Variants in FMN2 observed in about 807,000 individuals in gnomAD.
FMN2 encodes formin 2.
FMN2 carries 51 observed loss-of-function variants against 142.3 expected under a neutral mutation model. That is an observed-to-expected ratio of 0.36 (90% confidence interval 0.29 to 0.45). The LOEUF is 0.45. Ranked by LOEUF, FMN2 falls within the 20% of genes least tolerant of loss-of-function variation. FMN2 has a pLI of 1.00. For synonymous variants in FMN2, 882 were observed against 869.8 expected (o/e 1.01, Z -0.25); for missense variants, 1,936 against 2,122.8 (o/e 0.91, Z 1.73).
chr1:240,439,496 T>C (rs909040430), intron 16 of FMN2, among the ~76,000 whole-genome samples: 1 of 152,170 alleles, frequency 6.6e-6, no homozygotes, highest in African/African-American at 2.4e-5. Flanking sequence ...AGACTTGCGC[T>C]TACTCCTATA....
intron 5 of FMN2, 41 bp from the exon 6 acceptor site, chr1:240,211,050 C>G (rs756958498): frequency 6.4e-7 from 1 of 1,572,060 alleles, no homozygotes. Context: ...GATGTAAGTT[C>G]AGTTTGATGG....
chr1:240,231,025 T>G (rs1435202526), intron 6 of FMN2, among the ~76,000 whole-genome samples: 1 of 131,870 alleles, frequency 7.6e-6, no homozygotes, highest in East Asian at 2.2e-4. Context: ...TTGTTTTGTT[T>G]TGAAAGCTAG....
At chr1:240,390,194 C>G (rs1435626092) in intron 14 of FMN2, among the ~76,000 whole-genome samples, 1 of 152,158 alleles carries the variant, frequency 6.6e-6, no homozygotes, top group African/African-American at 2.4e-5. Context: ...TTTATCAAAG[C>G]TGATTACAGT....
intron 1 of FMN2, among the ~76,000 whole-genome samples, chr1:240,113,437 G>A (rs997667109): frequency 6.6e-6 from 1 of 151,666 alleles, no homozygotes; most frequent in East Asian, 1.9e-4. Flanking sequence ...AGTGGCACAC[G>A]CCTATGGTCC....
chr1:240,155,378 G>A (rs190418278), intron 2 of FMN2, among the ~76,000 whole-genome samples: 105 of 152,158 alleles, frequency 6.9e-4, no homozygotes, highest in African/African-American at 2.0e-3. Flanking sequence ...TCCTAGCCTC[G>A]AGTGATTCTC....
chr1:240,211,060 G>T, intron 5 of FMN2, 31 bp from the exon 6 acceptor site: 1 of 1,576,946 alleles, frequency 6.3e-7, no homozygotes, highest in East Asian at 2.3e-5. Flanking sequence ...CAGTTTGATG[G>T]CTGTTTTATT....
chr1:240,356,757 C>T (rs929230199), intron 14 of FMN2, among the ~76,000 whole-genome samples: 5 of 152,074 alleles, frequency 3.3e-5, no homozygotes, highest in Non-Finnish European at 5.9e-5. Context: ...AAGATTGGCT[C>T]CATACTTTAT....
chr1:240,328,794 T>C (rs1489728984), intron 8 of FMN2, among the ~76,000 whole-genome samples: 1 of 152,102 alleles, frequency 6.6e-6, no homozygotes, highest in Non-Finnish European at 1.5e-5. Flanking sequence ...TTCACCATGT[T>C]GGCCAAGCCA....
chr1:240,143,302 G>T, intron 2 of FMN2: 1 of 1,508,410 alleles, frequency 6.6e-7, no homozygotes, highest in Non-Finnish European at 9.2e-7. Flanking sequence ...AGAGATGAGG[G>T]CCAGTGCTAA....
intron 13 of FMN2, among the ~76,000 whole-genome samples, chr1:240,339,962 T>TG (rs1393654481): frequency 3.9e-5 from 6 of 152,244 alleles, no homozygotes; most frequent in Admixed American, 2.6e-4. Flanking sequence ...GTTAATTTAC[T>TG]GGGTAATCCT....
At chr1:240,105,130 ACCGAGTCTCACTCTGTCGC>A (rs1178793818) in intron 1 of FMN2, among the ~76,000 whole-genome samples, 1 of 100,040 alleles carries the variant, frequency 1.0e-5, no homozygotes, top group Non-Finnish European at 1.8e-5. Context: ...TTTTTTTGAG[ACCGAGTCTCACTCTGTCGC>A]CCAGGCTGGA....
chr1:240,359,274 T>G (rs1406824477), intron 14 of FMN2, among the ~76,000 whole-genome samples: 1 of 152,192 alleles, frequency 6.6e-6, no homozygotes, highest in Non-Finnish European at 1.5e-5. Flanking sequence ...AATCTTTGCT[T>G]ATAATTAGGC....
At chr1:240,349,111 G>A (rs1350941074) in intron 13 of FMN2, among the ~76,000 whole-genome samples, 1 of 152,202 alleles carries the variant, frequency 6.6e-6, no homozygotes, top group Non-Finnish European at 1.5e-5. Context: ...TGATTTTATA[G>A]TTTTTGTTCT....
intron 6 of FMN2, among the ~76,000 whole-genome samples, chr1:240,224,196 T>C (rs991336075): frequency 6.6e-6 from 1 of 152,196 alleles, no homozygotes; most frequent in African/African-American, 2.4e-5. Flanking sequence ...TTTGTTCTCA[T>C]TGGTTTCAAA....
intron 14 of FMN2, among the ~76,000 whole-genome samples, chr1:240,359,911 G>A (rs867076691): frequency 3.3e-5 from 5 of 151,984 alleles, no homozygotes; most frequent in Admixed American, 6.6e-5. Flanking sequence ...GCTTCTTGCC[G>A]TACCCCTGTA....
intron 7 of FMN2, among the ~76,000 whole-genome samples, chr1:240,260,330 T>C (rs1572127844): frequency 6.6e-6 from 1 of 152,330 alleles, no homozygotes; most frequent in African/African-American, 2.4e-5. Flanking sequence ...ATCTCCACAC[T>C]GTTTTCCATA....
intron 15 of FMN2, among the ~76,000 whole-genome samples, chr1:240,422,516 G>A (rs575891557): frequency 1.3e-5 from 2 of 152,208 alleles, no homozygotes; most frequent in South Asian, 4.1e-4. Flanking sequence ...GATACTGTAA[G>A]TTATATAATT....
At chr1:240,100,741 A>G (rs1661382791) in intron 1 of FMN2, among the ~76,000 whole-genome samples, 1 of 152,200 alleles carries the variant, frequency 6.6e-6, no homozygotes, top group East Asian at 1.9e-4. Flanking sequence ...TCTGTGATCC[A>G]GTCAGGCTCC....
intron 1 of FMN2, among the ~76,000 whole-genome samples, chr1:240,120,223 G>C (rs1662178463): frequency 6.6e-6 from 1 of 152,170 alleles, no homozygotes; most frequent in Admixed American, 6.5e-5. Context: ...TGGTAGAATG[G>C]AACATTTAGA....
Sources: gnomAD v4.1 joint callset for allele counts (sites outside exome capture counted in the v4.1 genomes callset) on GRCh38, gnomAD v4.1.1 for gene constraint, MANE v1.5 for transcripts, NCBI Gene and HGNC (gene_info 2026-07-23, HGNC 2026-07-21) for gene names.